Variants in TNFRSF10D observed in about 807,000 individuals in gnomAD.
The protein encoded by TNFRSF10D is TNF receptor superfamily member 10d.
Under a neutral mutation model 42.1 loss-of-function variants are expected in TNFRSF10D, and 28 were observed. The observed-to-expected ratio is 0.66, with a 90% CI of 0.49 to 0.91. The LOEUF (loss-of-function observed/expected upper bound fraction) is 0.91. TNFRSF10D is among the 40% of genes least tolerant of loss of function. The pLI is 0.00. For synonymous variants in TNFRSF10D, 186 were observed against 189.4 expected, an observed-to-expected ratio of 0.98 and a Z score of 0.15; for missense variants, 503 against 486.1, an observed-to-expected ratio of 1.03 and a Z score of -0.33.
At chr8:23,155,863 A>C (rs1423325382) in intron 1 of TNFRSF10D, among the ~76,000 whole-genome samples, 550 of 151,312 alleles carry the variant, frequency 3.6e-3, no homozygotes, top group African/African-American at 0.012. Flanking sequence ...CACACATAAA[A>C]ATACACATTT....
chr8:23,155,526 T>C (rs1166111641), intron 1 of TNFRSF10D, among the ~76,000 whole-genome samples: 1 of 152,074 alleles, frequency 6.6e-6, no homozygotes, highest in African/African-American at 2.4e-5. Flanking sequence ...GAGACCATCC[T>C]GGTTAACACA....
intron 1 of TNFRSF10D, 151 bp from the exon 2 acceptor site, chr8:23,155,130 T>C (rs1469942026): frequency 1.3e-5 from 8 of 618,630 alleles, no homozygotes; most frequent in East Asian, 1.2e-4. Flanking sequence ...GCATCCGTGT[T>C]TGTCCCCTGG....
At chr8:23,148,625 C>G (rs937068279) in intron 2 of TNFRSF10D, 74 bp from the exon 3 acceptor site, 35 of 1,129,512 alleles carry the variant, frequency 3.1e-5, no homozygotes, top group Non-Finnish European at 4.6e-5. Context: ...TGGCAAATTT[C>G]TCTTTTGGCC....
rs1169147716 is a variant in TNFRSF10D at position 23,135,732 on chromosome 8, T to C, written c.*2138A>G. On this transcript the variant is annotated 3_prime_UTR_variant, in exon 9 of 9. Transcript: ENST00000312584. ...GCCAAAAAACCCCAACAATTTCATG[T>C]TGTCAGGAAGCTTATGTTAAAGGAA... 1 of 297,558 alleles carries C rather than the reference T, an allele frequency of 3.4e-6. No individual in the cohort carries two copies. The highest frequency in any genetic ancestry group is 6.7e-6 in the Non-Finnish European group (1 of 149,268). 18.4% of individuals were successfully genotyped at this position (297,558 alleles called of 1,614,324 possible).
intron 2 of TNFRSF10D, among the ~76,000 whole-genome samples, chr8:23,151,620 C>A (rs1454868925): frequency 6.6e-6 from 1 of 151,884 alleles, no homozygotes; most frequent in Non-Finnish European, 1.5e-5. Flanking sequence ...GAATACACAA[C>A]ATAAAAAGAC....
intron 2 of TNFRSF10D, among the ~76,000 whole-genome samples, chr8:23,151,116 C>G (rs1462374637): frequency 6.6e-6 from 1 of 152,094 alleles, no homozygotes; most frequent in African/African-American, 2.4e-5. Flanking sequence ...ACATCTTAAA[C>G]AAATTCCCAA....
intron 1 of TNFRSF10D, among the ~76,000 whole-genome samples, chr8:23,160,895 C>T (rs1800357682): frequency 6.6e-6 from 1 of 152,248 alleles, no homozygotes; most frequent in Non-Finnish European, 1.5e-5. Context: ...GTAAACCAGG[C>T]TGTGGCCCTG....
chr8:23,144,325 C>T, intron 7 of TNFRSF10D, 125 bp downstream of exon 7: 1 of 1,135,508 alleles, frequency 8.8e-7, no homozygotes, highest in South Asian at 1.6e-5. Flanking sequence ...CCCCTGCAGT[C>T]CCCTGTCTCC....
intron 1 of TNFRSF10D, among the ~76,000 whole-genome samples, 186 bp downstream of exon 1, chr8:23,163,600 C>G (rs566629525): frequency 6.1e-3 from 926 of 152,190 alleles, no homozygotes; most frequent in African/African-American, 0.019. Flanking sequence ...CCTCGCGGCC[C>G]GGTCGCTCCT....
intron 2 of TNFRSF10D, among the ~76,000 whole-genome samples, chr8:23,151,205 C>T (rs1800208372): frequency 3.3e-5 from 5 of 152,162 alleles, no homozygotes; most frequent in African/African-American, 1.2e-4. Flanking sequence ...CTACCAAAGG[C>T]TTCTCAGCAG....
chr8:23,140,011 T>C (rs1051198610), intron 7 of TNFRSF10D, among the ~76,000 whole-genome samples: 37 of 151,720 alleles, frequency 2.4e-4, no homozygotes, highest in Non-Finnish European at 4.3e-4. Context: ...GGGGCGTAGC[T>C]GGGTACGGTG....
Position 23,137,143 on chromosome 8 carries a change from G to C in TNFRSF10D, c.*727C>G, listed in dbSNP as rs1317657340. 1 of 152,178 alleles carries C rather than the reference G, an allele frequency of 6.6e-6. No homozygotes were observed. Among genetic ancestry groups the C allele is most frequent in the Non-Finnish European group, 1.5e-5 (1 of 68,044 alleles). 9.4% of individuals were successfully genotyped at this position (152,178 alleles called of 1,614,324 possible). On this transcript the variant is annotated 3_prime_UTR_variant, in exon 9 of 9. Coordinates refer to ENST00000312584, the MANE Select transcript of TNFRSF10D (RefSeq NM_003840.5). ...ATATAAATGTTTCTCTAATTAAGGT[G>C]GGGGTAAGCCCCAATAATCCTATCT... is the stretch of plus-strand genomic sequence containing the variant.
At chr8:23,163,597 G>T (rs372384526) in intron 1 of TNFRSF10D, among the ~76,000 whole-genome samples, 189 bp downstream of exon 1, 928 of 152,140 alleles carry the variant, frequency 6.1e-3, no homozygotes, top group African/African-American at 0.019. Flanking sequence ...CTCCCTCGCG[G>T]CCCGGTCGCT....
At chr8:23,140,438 C>T (rs900397487) in intron 7 of TNFRSF10D, among the ~76,000 whole-genome samples, 31 of 151,140 alleles carry the variant, frequency 2.1e-4, no homozygotes, top group Non-Finnish European at 3.1e-4. Flanking sequence ...AATACCTCTA[C>T]CCAAGGATGT....
chr8:23,145,719 C>A lies in TNFRSF10D; in HGVS notation c.685G>T (p.Gly229Cys), dbSNP rs139303833. 1.6e-3 allele frequency: 2,572 copies of A among 1,613,636 alleles called. No homozygotes were observed. In the African/African-American group the frequency reaches 0.019, roughly 12 times the overall value. Residue 229 changes from glycine (G) to cysteine (C), a missense_variant, in exon 5 of 9, where the codon GGC (glycine) becomes TGC (cysteine). Coordinates refer to ENST00000312584, the MANE Select transcript of TNFRSF10D (RefSeq NM_003840.5). ...LVIILAVVVV[G>C]FSCRKKFISY... ...ATGAATTTCTTCCGACATGAAAAGC[C>A]AACCACAACCACAGCTAAAATGATG...
rs372856059 is a variant in TNFRSF10D at position 23,144,766 on chromosome 8, CCAGGACCCCATGCTGAGGTG to C, written c.769-151_769-132del. ...CCCAGGCAGCTGAGGCTCAGCACAT[CCAGGACCCCATGCTGAGGTG>C]GGTCAGGTGGTCACCCCATCCCCAT... On this transcript the variant is annotated intron_variant, in intron 6 of 8. Transcript: ENST00000312584. 1.9e-3 allele frequency: 2,232 copies of C among 1,155,076 alleles called. No individual in the cohort carries two copies. In the African/African-American group the frequency reaches 0.02, roughly 10 times the overall value. The allele number at this position is 1,155,076 out of a possible 1,614,324, so 71.6% of individuals were successfully genotyped here. A position where few individuals can be genotyped will look rare whatever the true frequency, so the allele number is the denominator to read the frequency against.
At chr8:23,148,646 T>C (rs1800162956) in intron 2 of TNFRSF10D, 95 bp from the exon 3 acceptor site, 1 of 858,382 alleles carries the variant, frequency 1.2e-6, no homozygotes, top group Non-Finnish European at 1.9e-6. Flanking sequence ...CTCAGTGGAA[T>C]CCAGACAGAG....
At position 23,138,153 on chromosome 8, in the gene TNFRSF10D, T is replaced by C. The variant is rs199706869; in HGVS notation, c.1027+35A>G. The C allele has an allele frequency of 1.7e-3, 2,673 of 1,613,662 alleles. No individual in the cohort carries two copies. The African/African-American group carries it at 0.019, about 12-fold the overall frequency. On this transcript the variant is annotated intron_variant, in intron 8 of 8. Coordinates refer to ENST00000312584, the MANE Select transcript of TNFRSF10D (RefSeq NM_003840.5). Reference sequence around the variant, plus strand: ...GTTAGGACACCGTCCCTATTCCCTGTCCTCCTGCTGCGTCTCAAGGCACAA... The same window carrying C: ...GTTAGGACACCGTCCCTATTCCCTGCCCTCCTGCTGCGTCTCAAGGCACAA...
At position 23,135,821 on chromosome 8, in the gene TNFRSF10D, G is replaced by A. The variant is rs1814313692; in HGVS notation, c.*2049C>T. ...TCTTCAAGGAAGGCCTCTGAGGAAG[G>A]GACAAAGGAGCTGGGACCGGACTGG... On this transcript the variant is annotated 3_prime_UTR_variant, in exon 9 of 9. Transcript: ENST00000312584. 2.3e-6 allele frequency: 1 copy of A among 443,338 alleles called. No individual in the cohort carries two copies. Among genetic ancestry groups the A allele is most frequent in the South Asian group, 1.6e-5 (1 of 62,488 alleles). The allele number at this position is 443,338 out of a possible 1,614,324, so 27.5% of individuals were successfully genotyped here.
Sources: allele counts gnomAD v4.1 joint callset (sites outside exome capture counted in the v4.1 genomes callset), GRCh38; gene constraint gnomAD v4.1.1; transcripts MANE v1.5; gene names NCBI Gene and HGNC (gene_info 2026-07-23, HGNC 2026-07-21).